AFG1L: variants seen among roughly 807,000 people sequenced by gnomAD.
AFG1L encodes AFG1 like ATPase.
Under a neutral mutation model 62.2 loss-of-function variants are expected in AFG1L, and 53 were observed. The ratio of observed to expected loss-of-function variants is 0.85; its 90% confidence interval spans 0.68 to 1.07. The LOEUF (loss-of-function observed/expected upper bound fraction) is 1.07, where lower values mean the gene tolerates loss of function less well. Ranked by LOEUF, AFG1L falls within the 50% of genes least tolerant of loss-of-function variation. The pLI is 0.00. For synonymous variants in AFG1L, 228 were observed against 210.3 expected (o/e 1.08, Z -0.73); for missense variants, 555 against 590.5 (o/e 0.94, Z 0.62).
chr6:108,370,585 C>T (rs995839243), intron 6 of AFG1L, among the ~76,000 whole-genome samples: 1 of 151,860 alleles, frequency 6.6e-6, no homozygotes, highest in South Asian at 2.1e-4. Flanking sequence ...GGTTAAGAAA[C>T]CCAGGTACAA....
intron 7 of AFG1L, among the ~76,000 whole-genome samples, chr6:108,403,047 ATATT>A (rs1193534672): frequency 6.6e-6 from 1 of 152,140 alleles, no homozygotes; most frequent in African/African-American, 2.4e-5. Context: ...CATTCTGCCA[ATATT>A]TATTAAGAAC....
intron 7 of AFG1L, among the ~76,000 whole-genome samples, chr6:108,415,327 C>T (rs1006802445): frequency 6.6e-5 from 10 of 151,798 alleles, no homozygotes; most frequent in African/African-American, 9.7e-5. Context: ...GAATCAATAT[C>T]GTGAAAATGG....
chr6:108,499,576 CAAA>C (rs1229508414), intron 10 of AFG1L, among the ~76,000 whole-genome samples: 1 of 59,284 alleles, frequency 1.7e-5, no homozygotes, highest in Admixed American at 1.9e-4. Context: ...TCATCTCTAC[CAAA>C]AAAAAAAAAA....
intron 8 of AFG1L, among the ~76,000 whole-genome samples, chr6:108,449,192 C>T (rs1055676209): frequency 2.0e-5 from 3 of 150,820 alleles, no homozygotes; most frequent in African/African-American, 4.9e-5. Context: ...TATACATATA[C>T]ACTTACATAT....
chr6:108,302,062 T>A (rs2114819526), intron 1 of AFG1L, among the ~76,000 whole-genome samples: 1 of 152,114 alleles, frequency 6.6e-6, no homozygotes. Context: ...CTCTCCTGCC[T>A]CAGCCTCCTG....
At chr6:108,457,814 G>A (rs1772311099) in intron 8 of AFG1L, among the ~76,000 whole-genome samples, 1 of 151,966 alleles carries the variant, frequency 6.6e-6, no homozygotes, top group African/African-American at 2.4e-5. Flanking sequence ...TAAAGTTTTT[G>A]TTTTGCTTTT....
chr6:108,319,891 G>T (rs1777753462), intron 1 of AFG1L: 2 of 289,506 alleles, frequency 6.9e-6, no homozygotes, highest in Non-Finnish European at 1.4e-5. Flanking sequence ...CACATTATTT[G>T]TACTAAATAT....
chr6:108,433,318 CG>C (rs1771159921), intron 7 of AFG1L, among the ~76,000 whole-genome samples: 2 of 151,876 alleles, frequency 1.3e-5, no homozygotes, highest in African/African-American at 4.8e-5. Flanking sequence ...CTTGCTCAGT[CG>C]CCCAGGCTGG....
intron 3 of AFG1L, among the ~76,000 whole-genome samples, chr6:108,351,352 G>A (rs1444328956): frequency 6.6e-6 from 1 of 152,164 alleles, no homozygotes; most frequent in African/African-American, 2.4e-5. Context: ...GTGGTCCATT[G>A]TTGACCAAAA....
intron 10 of AFG1L, among the ~76,000 whole-genome samples, chr6:108,488,561 C>T (rs557934443): frequency 6.6e-6 from 1 of 152,080 alleles, no homozygotes. Flanking sequence ...GGGGAAAACA[C>T]AAGAGTTGGG....
At chr6:108,494,442 C>A (rs1410394290) in intron 10 of AFG1L, among the ~76,000 whole-genome samples, 1 of 151,276 alleles carries the variant, frequency 6.6e-6, no homozygotes, top group Non-Finnish European at 1.5e-5. Flanking sequence ...CCCCCCCCAC[C>A]CCGCAAAAAA....
rs1252319552 is a variant in AFG1L, at chr6:108,415,805, A to G, written c.807+13751A>G. Among the ~76,000 whole-genome samples the G allele has an allele frequency of 3.9e-5, 6 of 152,364 alleles. No homozygotes were observed. The South Asian group carries it at 1.0e-3, about 26-fold the overall frequency. On this transcript the variant is annotated intron_variant, in intron 7 of 12. Transcript: ENST00000368977. ...TTAAAGACTTAAATGTTAGACCTAA[A>G]ACCATAAAAACCTAGAAGAAAACCT...
intron 1 of AFG1L, among the ~76,000 whole-genome samples, chr6:108,300,254 T>C (rs1776933280): frequency 6.6e-6 from 1 of 152,090 alleles, no homozygotes; most frequent in Admixed American, 6.5e-5. Context: ...GTTCAAGCGA[T>C]TCTCCTGTCT....
rs898951594 is a variant in AFG1L, at chr6:108,343,339, C to T, written c.364-3649C>T. Among the ~76,000 whole-genome samples the T allele has an allele frequency of 3.5e-5, 5 of 144,302 alleles. No homozygotes were observed. In the South Asian group the frequency reaches 6.5e-4, roughly 19 times the overall value. 94.7% of individuals were successfully genotyped at this position (144,302 alleles called of 152,430 possible). On this transcript the variant is annotated intron_variant, in intron 2 of 12. Transcript: ENST00000368977. Reference sequence around the variant, plus strand: ...TTAGGATTTCAGGTGTGAGCCACCACGCCCGGCCAACCTTTTTGTTTTTTT... The same window carrying T: ...TTAGGATTTCAGGTGTGAGCCACCATGCCCGGCCAACCTTTTTGTTTTTTT...
At chr6:108,371,850 G>T (rs1780022396) in intron 6 of AFG1L, among the ~76,000 whole-genome samples, 1 of 152,012 alleles carries the variant, frequency 6.6e-6, no homozygotes, top group Admixed American at 6.6e-5. Flanking sequence ...TTGAATGCGT[G>T]GGCTCAAACC....
At chr6:108,447,843 G>A (rs946241228) in intron 8 of AFG1L, among the ~76,000 whole-genome samples, 2 of 152,090 alleles carry the variant, frequency 1.3e-5, no homozygotes, top group African/African-American at 4.8e-5. Flanking sequence ...AGTTAATACT[G>A]AAAAACAAAT....
chr6:108,461,988 G>A (rs1326093965), intron 8 of AFG1L, among the ~76,000 whole-genome samples: 4 of 152,036 alleles, frequency 2.6e-5, no homozygotes, highest in Non-Finnish European at 4.4e-5. Flanking sequence ...CCAGCTACTC[G>A]GGAGGGTGAG....
At chr6:108,502,995 G>A (rs1774265667) in intron 10 of AFG1L, among the ~76,000 whole-genome samples, 1 of 152,150 alleles carries the variant, frequency 6.6e-6, no homozygotes, top group Admixed American at 6.5e-5. Flanking sequence ...CTCCTTATCA[G>A]TTCAAGTTTG....
chr6:108,446,377 T>A (rs1198632792), intron 7 of AFG1L, among the ~76,000 whole-genome samples: 1 of 151,816 alleles, frequency 6.6e-6, no homozygotes, highest in Non-Finnish European at 1.5e-5. Context: ...AAGGGAGACA[T>A]GGGCAGTGGC....
Sources: allele counts gnomAD v4.1 joint callset (sites outside exome capture counted in the v4.1 genomes callset), GRCh38; gene constraint gnomAD v4.1.1; transcripts MANE v1.5; gene names NCBI Gene and HGNC (gene_info 2026-07-23, HGNC 2026-07-21).